Variants in TASP1 observed in about 807,000 individuals in gnomAD.
TASP1 encodes the protein taspase 1.
A neutral mutation model predicts 56.6 loss-of-function variants in TASP1; 16 were observed. That is an observed-to-expected ratio of 0.28 (90% confidence interval 0.19 to 0.43). The LOEUF is 0.43. Among genes scored for constraint, TASP1 ranks in the 20% least tolerant of loss-of-function variants. TASP1 has a pLI of 1.00. For synonymous variants in TASP1, 179 were observed against 184.2 expected, an observed-to-expected ratio of 0.97 and a Z score of 0.23; for missense variants, 393 against 511.6, an observed-to-expected ratio of 0.77 and a Z score of 2.24.
intron 11 of TASP1, among the ~76,000 whole-genome samples, chr20:13,454,710 A>G (rs2043762274): frequency 6.6e-6 from 1 of 152,144 alleles, no homozygotes; most frequent in African/African-American, 2.4e-5. Flanking sequence ...GACAGTTGTC[A>G]GAGAATTCTG....
chr20:13,228,613 G>T, the TASP1 span, among the ~76,000 whole-genome samples: 3 of 151,848 alleles, frequency 2.0e-5, no homozygotes, highest in Non-Finnish European at 2.9e-5. Flanking sequence ...TTACCAGGTT[G>T]TGTTTAGATT....
chr20:13,332,714 CT>C, the TASP1 span, among the ~76,000 whole-genome samples: 1 of 152,184 alleles, frequency 6.6e-6, no homozygotes, highest in Admixed American at 6.6e-5. Flanking sequence ...ATTATCCTAC[CT>C]TTTCCACTCT....
At chr20:13,556,603 ACTGCTC>A (rs1568577995) in intron 8 of TASP1, among the ~76,000 whole-genome samples, 2 of 152,300 alleles carry the variant, frequency 1.3e-5, no homozygotes, top group East Asian at 3.9e-4. Flanking sequence ...GCCCATACCA[ACTGCTC>A]CAGCTTCATC....
intron 8 of TASP1, among the ~76,000 whole-genome samples, chr20:13,555,590 T>C (rs1001397843): frequency 2.6e-5 from 4 of 152,134 alleles, no homozygotes; most frequent in African/African-American, 9.7e-5. Context: ...GTTCTCTTGC[T>C]ACTTCCACCA....
the TASP1 span, among the ~76,000 whole-genome samples, chr20:13,253,517 T>A: frequency 6.6e-6 from 1 of 152,176 alleles, no homozygotes; most frequent in Non-Finnish European, 1.5e-5. Context: ...TTACCGACTA[T>A]CAGCCACTGT....
the TASP1 span, among the ~76,000 whole-genome samples, chr20:13,146,693 A>G: frequency 1.3e-5 from 2 of 152,152 alleles, no homozygotes; most frequent in Admixed American, 1.3e-4. Flanking sequence ...CTGTTAGATC[A>G]TTTGTTCCAA....
chr20:13,339,577 A>C, the TASP1 span, among the ~76,000 whole-genome samples: 2 of 152,058 alleles, frequency 1.3e-5, no homozygotes, highest in Admixed American at 6.6e-5. Flanking sequence ...TTTTGAACGA[A>C]TTTTCTACAT....
intron 12 of TASP1, among the ~76,000 whole-genome samples, chr20:13,428,323 C>A (rs1430222974): frequency 1.3e-5 from 2 of 152,072 alleles, no homozygotes; most frequent in Admixed American, 1.3e-4. Flanking sequence ...ATTCTAATTA[C>A]CTGTATCTAA....
At chr20:13,524,439 A>G (rs1383059473) in intron 10 of TASP1, among the ~76,000 whole-genome samples, 1 of 152,138 alleles carries the variant, frequency 6.6e-6, no homozygotes, top group African/African-American at 2.4e-5. Context: ...TCTGTTTGAA[A>G]AAGTAAGCAT....
chr20:13,362,920 T>C, the TASP1 span, among the ~76,000 whole-genome samples: 1 of 150,874 alleles, frequency 6.6e-6, no homozygotes, highest in African/African-American at 2.4e-5. Context: ...GCTAAGAGAA[T>C]CTTTTGTTCT....
chr20:13,517,334 T>A (rs796997086), intron 10 of TASP1, among the ~76,000 whole-genome samples: 8 of 152,164 alleles, frequency 5.3e-5, no homozygotes, highest in African/African-American at 1.7e-4. Flanking sequence ...CAATTACAAG[T>A]CGTCTTGCTG....
chr20:13,506,123 A>G (rs1189415065), intron 10 of TASP1, among the ~76,000 whole-genome samples: 1 of 152,178 alleles, frequency 6.6e-6, no homozygotes, highest in Non-Finnish European at 1.5e-5. Context: ...GAACAATTAT[A>G]TGCTAACAAA....
At chr20:13,435,734 A>G (rs2146195336) in intron 11 of TASP1, among the ~76,000 whole-genome samples, 1 of 152,316 alleles carries the variant, frequency 6.6e-6, no homozygotes, top group Non-Finnish European at 1.5e-5. Context: ...TGAACATTTC[A>G]AGAACATTAT....
chr20:13,213,141 C>A, the TASP1 span, among the ~76,000 whole-genome samples: 1 of 151,946 alleles, frequency 6.6e-6, no homozygotes, highest in African/African-American at 2.4e-5. Flanking sequence ...CAGATATAAT[C>A]TGAACTGAAG....
chr20:13,236,424 A>C, the TASP1 span, among the ~76,000 whole-genome samples: 1 of 152,100 alleles, frequency 6.6e-6, no homozygotes, highest in Non-Finnish European at 1.5e-5. Flanking sequence ...TGGGAGAAAC[A>C]ATTCGGTTGA....
At chr20:13,284,026 C>A in the TASP1 span, among the ~76,000 whole-genome samples, 1 of 152,232 alleles carries the variant, frequency 6.6e-6, no homozygotes, top group Non-Finnish European at 1.5e-5. Flanking sequence ...CCAAGCTTCA[C>A]CTGTGTGACC....
At chr20:13,119,150 C>T in the TASP1 span, among the ~76,000 whole-genome samples, 1 of 152,216 alleles carries the variant, frequency 6.6e-6, no homozygotes. Context: ...GGCTACATTG[C>T]TCTGTGAGCT....
chr20:13,487,467 T>C (rs531059601), intron 10 of TASP1, among the ~76,000 whole-genome samples: 35 of 152,302 alleles, frequency 2.3e-4, no homozygotes, highest in African/African-American at 8.4e-4. Context: ...GCAGGAATCC[T>C]GGACATTCCC....
chr20:13,447,676 T>C (rs1171528943), intron 11 of TASP1, among the ~76,000 whole-genome samples: 2 of 152,144 alleles, frequency 1.3e-5, no homozygotes, highest in Non-Finnish European at 2.9e-5. Context: ...ATGAAGCCTG[T>C]GTGCCAGGCT....
Sources: gnomAD v4.1 joint callset for allele counts (sites outside exome capture counted in the v4.1 genomes callset) on GRCh38, gnomAD v4.1.1 for gene constraint, MANE v1.5 for transcripts, NCBI Gene and HGNC (gene_info 2026-07-23, HGNC 2026-07-21) for gene names.